Variants in CBX1 observed in about 807,000 individuals in gnomAD.
CBX1 encodes the protein chromobox protein homolog 1.
Under a neutral mutation model 25.1 loss-of-function variants are expected in CBX1, and 10 were observed. That is an observed-to-expected ratio of 0.40 (90% CI 0.25 to 0.68). The LOEUF is 0.68. Ranked by LOEUF, CBX1 falls within the 30% of genes least tolerant of loss-of-function variation. The pLI is 0.40. For missense variants in CBX1, 106 were observed against 218.5 expected, an observed-to-expected ratio of 0.49 and a Z score of 3.25; for synonymous variants, 63 against 79.4, an observed-to-expected ratio of 0.79 and a Z score of 1.10.
intron 4 of CBX1, among the ~76,000 whole-genome samples, chr17:48,074,678 T>C (rs961892628): frequency 1.3e-4 from 20 of 152,200 alleles, no homozygotes; most frequent in Middle Eastern, 3.2e-3. Flanking sequence ...AAGGAGGTGG[T>C]AGAAGGAGAG....
Position 48,076,882 on chromosome 17 carries a change from C to T in CBX1, c.123G>A (p.Lys41=), listed in dbSNP as rs1157814567. Residue 41 remains lysine (K), a synonymous_variant, in exon 2 of 5, where the codon AAG becomes AAA. Coordinates refer to ENST00000225603, the MANE Select transcript of CBX1 (RefSeq NM_001127228.2). ...VVKGKVEYLL[K]WKGFSDEDNT... ...AAACTTACTCTGAGAATCCCTTCCA[C>T]TTTAGGAGGTACTCCACTTTGCCCT... is the stretch of plus-strand genomic sequence containing the variant. 6.2e-7 allele frequency: 1 copy of T among 1,611,578 alleles called. No homozygotes were observed. Among genetic ancestry groups the T allele is most frequent in the South Asian group, 1.1e-5 (1 of 90,844 alleles).
intron 1 of CBX1, chr17:48,100,628 G>C: frequency 1.4e-5 from 10 of 692,582 alleles, no homozygotes; most frequent in Non-Finnish European, 1.8e-5. Context: ...ATATTCTCGG[G>C]ATCTCCGCCC....
intron 1 of CBX1, among the ~76,000 whole-genome samples, chr17:48,078,811 A>G (rs1418743656): frequency 3.1e-4 from 12 of 39,060 alleles, no homozygotes; most frequent in Non-Finnish European, 3.4e-4. Flanking sequence ...TTTTTTTTTG[A>G]GACGGAGTCT....
At chr17:48,080,332 C>T (rs2037718409) in intron 1 of CBX1, among the ~76,000 whole-genome samples, 1 of 152,052 alleles carries the variant, frequency 6.6e-6, no homozygotes, top group South Asian at 2.1e-4. Flanking sequence ...GCTACCGTGC[C>T]CGGACCCAAC....
chr17:48,097,383 G>A (rs1206237609), intron 1 of CBX1, among the ~76,000 whole-genome samples: 1 of 152,128 alleles, frequency 6.6e-6, no homozygotes, highest in Non-Finnish European at 1.5e-5. Context: ...GGGTGGCCGA[G>A]GAGGGTAGAT....
chr17:48,080,053 G>C (rs572678332), intron 1 of CBX1, among the ~76,000 whole-genome samples: 2 of 152,002 alleles, frequency 1.3e-5, no homozygotes, highest in South Asian at 4.2e-4. Flanking sequence ...TGACTTTTTT[G>C]GGGGAGGGGG....
intron 1 of CBX1, among the ~76,000 whole-genome samples, chr17:48,099,859 G>A (rs2063397883): frequency 6.6e-6 from 1 of 152,084 alleles, no homozygotes; most frequent in African/African-American, 2.4e-5. Context: ...GGTAAAATAT[G>A]GCCAGGCGCA....
chr17:48,075,500 A>C (rs939389492), intron 3 of CBX1, among the ~76,000 whole-genome samples: 1 of 152,100 alleles, frequency 6.6e-6, no homozygotes, highest in African/African-American at 2.4e-5. Flanking sequence ...GCCCAATCAC[A>C]AACTCTTTTG....
chr17:48,081,299 C>T (rs1435116213), intron 1 of CBX1, among the ~76,000 whole-genome samples: 6 of 151,972 alleles, frequency 3.9e-5, no homozygotes, highest in Non-Finnish European at 7.4e-5. Flanking sequence ...TGATCTCTAC[C>T]TACTGCAAGC....
At chr17:48,095,981 A>T (rs1468273760) in intron 1 of CBX1, 1 of 152,346 alleles carries the variant, frequency 6.6e-6, no homozygotes, top group African/African-American at 2.4e-5. Context: ...CCCAGGTTCA[A>T]GCAGTTCTCC....
At chr17:48,094,160 G>A (rs1216065741) in intron 1 of CBX1, among the ~76,000 whole-genome samples, 2 of 145,526 alleles carry the variant, frequency 1.4e-5, no homozygotes, top group South Asian at 2.2e-4. Context: ...TTGGTAGGGC[G>A]CAGTGGCTCA....
At chr17:48,071,715 G>T in intron 4 of CBX1, 136 bp from the exon 5 acceptor site, 1 of 663,326 alleles carries the variant, frequency 1.5e-6, no homozygotes, top group Non-Finnish European at 2.4e-6. Context: ...CGTGGCCCAA[G>T]CAGCATTTAC....
intron 1 of CBX1, among the ~76,000 whole-genome samples, chr17:48,094,114 CA>C (rs11459504): frequency 7.9e-4 from 40 of 50,826 alleles, no homozygotes; most frequent in African/African-American, 2.9e-3. Flanking sequence ...AACTCTGTCT[CA>C]AAAAAAAAAA....
intron 1 of CBX1, among the ~76,000 whole-genome samples, chr17:48,080,955 T>A (rs1205400571): frequency 0.016 from 262 of 16,892 alleles, 3 homozygotes; most frequent in East Asian, 0.026. Flanking sequence ...AAAAAAAATA[T>A]ATATATATAT....
At chr17:48,088,562 T>G (rs1204509125) in intron 1 of CBX1, 3 of 152,092 alleles carry the variant, frequency 2.0e-5, no homozygotes, top group Admixed American at 2.0e-4. Flanking sequence ...GATGTTGCAG[T>G]GAGCCAAGAT....
intron 1 of CBX1, among the ~76,000 whole-genome samples, chr17:48,093,429 C>T (rs1036652549): frequency 5.3e-5 from 8 of 152,042 alleles, no homozygotes; most frequent in Non-Finnish European, 1.2e-4. Flanking sequence ...TAGCCATAAA[C>T]GCACTATAGG....
At chr17:48,079,445 C>T (rs1460891349) in intron 1 of CBX1, among the ~76,000 whole-genome samples, 1 of 152,144 alleles carries the variant, frequency 6.6e-6, no homozygotes, top group Admixed American at 6.5e-5. Context: ...CTGAATTGAA[C>T]TTACGATTCA....
rs1272180632 is a variant in CBX1 at position 48,091,133 on chromosome 17, AG to A, written c.-38+10134del. On this transcript the variant is annotated intron_variant, in intron 1 of 4. Coordinates refer to ENST00000225603, the MANE Select transcript of CBX1 (RefSeq NM_001127228.2). ...GGGAATAGTTGGTTTGAAAGTCCTA[AG>A]GTGAGAATGAGCTTGCTTTATCTGA... 2.0e-5 allele frequency among the ~76,000 whole-genome samples: 3 copies of A among 152,264 alleles called. No individual in the cohort carries two copies. The East Asian group carries it at 5.8e-4, about 29-fold the overall frequency.
intron 1 of CBX1, among the ~76,000 whole-genome samples, chr17:48,077,451 TTTG>T (rs2037688125): frequency 2.6e-5 from 3 of 115,462 alleles, no homozygotes; most frequent in Admixed American, 9.0e-5. Context: ...TTTTGTTTTT[TTTG>T]TTTTTTTTTT....
Sources: allele counts gnomAD v4.1 joint callset (sites outside exome capture counted in the v4.1 genomes callset), GRCh38; gene constraint gnomAD v4.1.1; transcripts MANE v1.5; gene names NCBI Gene and HGNC (gene_info 2026-07-23, HGNC 2026-07-21).